Variants in ADGRL3 observed in about 807,000 individuals in gnomAD.
ADGRL3 encodes the protein calcium-independent alpha-latrotoxin receptor 3.
Under a neutral mutation model 153.5 loss-of-function variants are expected in ADGRL3, and 62 were observed. That is an observed-to-expected ratio of 0.40 (90% CI 0.33 to 0.50). The LOEUF (loss-of-function observed/expected upper bound fraction) is 0.50. Among genes scored for constraint, ADGRL3 ranks in the 20% least tolerant of loss-of-function variants. The probability of loss-of-function intolerance (pLI) is 0.47; values close to 1 mark genes in which losing one functional copy is unlikely to be tolerated. For missense variants in ADGRL3, 1,641 were observed against 1,859.4 expected (o/e 0.88, Z 2.16); for synonymous variants, 710 against 672.5 (o/e 1.06, Z -0.86).
intron 1 of ADGRL3, among the ~76,000 whole-genome samples, chr4:61,362,652 A>C (rs1452389657): frequency 6.6e-6 from 1 of 152,156 alleles, no homozygotes; most frequent in Non-Finnish European, 1.5e-5. Flanking sequence ...ATTAACTGGA[A>C]GTGGATCATC....
intron 1 of ADGRL3, among the ~76,000 whole-genome samples, chr4:61,290,205 C>T (rs1043522031): frequency 1.3e-5 from 2 of 151,996 alleles, no homozygotes; most frequent in Non-Finnish European, 2.9e-5. Context: ...ACATTTTGAA[C>T]CTATCCACAC....
chr4:61,911,207 A>ACTTGTTATAGCAATACTTTGTAT (rs1177125216), intron 12 of ADGRL3, among the ~76,000 whole-genome samples: 2 of 152,144 alleles, frequency 1.3e-5, no homozygotes, highest in South Asian at 4.1e-4. Context: ...CCATAACATG[A>ACTTGTTATAGCAATACTTTGTAT]CTTGTTATAG....
chr4:61,764,160 A>G (rs1308697386), intron 8 of ADGRL3, among the ~76,000 whole-genome samples: 3 of 152,196 alleles, frequency 2.0e-5, no homozygotes, highest in Non-Finnish European at 4.4e-5. Flanking sequence ...TTAATTTGGT[A>G]ACACTATTCA....
intron 8 of ADGRL3, among the ~76,000 whole-genome samples, chr4:61,744,945 G>A (rs1486863155): frequency 3.9e-5 from 6 of 152,172 alleles, no homozygotes; most frequent in Middle Eastern, 3.4e-3. Context: ...AAAACCAAAG[G>A]CAAAGAAGTT....
chr4:61,914,184 T>C (rs1215380032), intron 13 of ADGRL3, among the ~76,000 whole-genome samples: 1 of 152,116 alleles, frequency 6.6e-6, no homozygotes, highest in Non-Finnish European at 1.5e-5. Context: ...TTTGGTGTCT[T>C]CCAAGTCTCC....
At chr4:61,496,095 A>T (rs1323268009) in intron 2 of ADGRL3, among the ~76,000 whole-genome samples, 44 of 152,322 alleles carry the variant, frequency 2.9e-4, no homozygotes, top group Non-Finnish European at 2.9e-5. Context: ...AAAGAGTAAC[A>T]TCTTTTGTAA....
chr4:61,969,624 A>G (rs1245051140), intron 17 of ADGRL3, among the ~76,000 whole-genome samples: 1 of 152,194 alleles, frequency 6.6e-6, no homozygotes, highest in Non-Finnish European at 1.5e-5. Context: ...AAATTAAAGT[A>G]GCACAATCTT....
intron 5 of ADGRL3, among the ~76,000 whole-genome samples, chr4:61,644,327 G>T (rs2093849249): frequency 6.7e-6 from 1 of 149,894 alleles, no homozygotes; most frequent in Non-Finnish European, 1.5e-5. Context: ...CTTGCCTCCT[G>T]CTAGCTTTTG....
At chr4:61,351,527 A>G (rs1312109634) in intron 1 of ADGRL3, among the ~76,000 whole-genome samples, 1 of 152,222 alleles carries the variant, frequency 6.6e-6, no homozygotes, top group African/African-American at 2.4e-5. Context: ...CCTGGCTTCA[A>G]AGCTTCAGAG....
intron 13 of ADGRL3, among the ~76,000 whole-genome samples, chr4:61,923,965 C>A (rs1374189981): frequency 1.3e-5 from 2 of 152,126 alleles, no homozygotes; most frequent in African/African-American, 4.8e-5. Context: ...CAATTGCCTA[C>A]TAGTATGTCC....
intron 4 of ADGRL3, among the ~76,000 whole-genome samples, chr4:61,547,520 T>C (rs2098719414): frequency 6.6e-6 from 1 of 152,092 alleles, no homozygotes; most frequent in Non-Finnish European, 1.5e-5. Context: ...TATTTGGTTT[T>C]CTGTTCCTGT....
At chr4:61,679,458 C>T (rs896927642) in intron 6 of ADGRL3, among the ~76,000 whole-genome samples, 3 of 151,988 alleles carry the variant, frequency 2.0e-5, no homozygotes, top group African/African-American at 7.2e-5. Flanking sequence ...GTAGACCTTC[C>T]CTGATCTATT....
At chr4:61,974,821 TGTA>T (rs1277750808) in intron 17 of ADGRL3, among the ~76,000 whole-genome samples, 1 of 152,232 alleles carries the variant, frequency 6.6e-6, no homozygotes, top group African/African-American at 2.4e-5. Context: ...GGTATTATGA[TGTA>T]ACAACCTTCT....
intron 6 of ADGRL3, among the ~76,000 whole-genome samples, chr4:61,711,460 A>T (rs73823206): frequency 0.018 from 499 of 27,300 alleles, 25 homozygotes; most frequent in East Asian, 0.049. Flanking sequence ...ATGCTTCATT[A>T]TATATATATA....
intron 13 of ADGRL3, among the ~76,000 whole-genome samples, chr4:61,921,941 A>C (rs1035450185): frequency 2.0e-5 from 3 of 152,188 alleles, no homozygotes; most frequent in East Asian, 1.9e-4. Flanking sequence ...TGTTTGTATC[A>C]GCAGAACAAC....
At chr4:61,807,118 T>G (rs1238592528) in intron 8 of ADGRL3, among the ~76,000 whole-genome samples, 1 of 152,132 alleles carries the variant, frequency 6.6e-6, no homozygotes, top group East Asian at 1.9e-4. Flanking sequence ...TTTATATTTT[T>G]GATTATGAGT....
intron 1 of ADGRL3, among the ~76,000 whole-genome samples, chr4:61,349,361 G>A (rs1262993415): frequency 6.6e-6 from 1 of 152,066 alleles, no homozygotes; most frequent in Non-Finnish European, 1.5e-5. Context: ...ATTCTACTGA[G>A]AACCATTATG....
At chr4:61,535,250 T>C (rs533306694) in intron 4 of ADGRL3, among the ~76,000 whole-genome samples, 1 of 152,208 alleles carries the variant, frequency 6.6e-6, no homozygotes, top group Non-Finnish European at 1.5e-5. Flanking sequence ...ATTTACTGAA[T>C]TGTGTATGTC....
intron 10 of ADGRL3, 89 bp downstream of exon 10, chr4:61,893,047 C>A: frequency 1.5e-6 from 1 of 655,672 alleles, no homozygotes; most frequent in South Asian, 5.0e-5. Flanking sequence ...TCCTCCTTTC[C>A]TCCCTCCCTC....
Sources: allele counts gnomAD v4.1 joint callset (sites outside exome capture counted in the v4.1 genomes callset), GRCh38; gene constraint gnomAD v4.1.1; transcripts MANE v1.5; gene names NCBI Gene and HGNC (gene_info 2026-07-23, HGNC 2026-07-21).